MTA2: variants seen among roughly 807,000 people sequenced by gnomAD.
MTA2 encodes metastasis-associated protein MTA2.
A neutral mutation model predicts 87.1 loss-of-function variants in MTA2; 22 were observed. The observed-to-expected ratio is 0.25, with a 90% CI of 0.18 to 0.36. MTA2 has a LOEUF of 0.36. MTA2 is among the 10% of genes least tolerant of loss of function. The pLI is 1.00. For missense variants in MTA2, 542 were observed against 853.2 expected (o/e 0.64, Z 4.54); for synonymous variants, 314 against 310.1 (o/e 1.01, Z -0.13).
chr11:62,601,623 G>C lies in MTA2; in HGVS notation c.-173C>G, dbSNP rs906201314. The C allele has an allele frequency of 3.0e-6, 2 of 676,818 alleles. No individual in the cohort carries two copies. The highest frequency in any genetic ancestry group is 3.9e-5 in the African/African-American group (2 of 51,926). 41.9% of individuals were successfully genotyped at this position (676,818 alleles called of 1,614,324 possible). ...CAGCCGTCGCGGTTCATCCCGGCCC[G>C]CGCTGTCGCCGCCGCAGCTATCGCC... On this transcript the variant is annotated 5_prime_UTR_variant, in exon 1 of 18. Transcript: ENST00000278823.
chr11:62,597,241 C>T (rs1942111769), intron 8 of MTA2, 75 bp downstream of exon 8: 2 of 1,006,164 alleles, frequency 2.0e-6, no homozygotes, highest in Admixed American at 2.7e-5. Flanking sequence ...CAGAGATACC[C>T]TCCTCTTCTG....
chr11:62,596,539 G>A lies in MTA2; in HGVS notation c.883-7C>T, dbSNP rs768690872. The A allele has an allele frequency of 3.1e-6, 5 of 1,614,072 alleles. No homozygotes were observed. The highest frequency in any genetic ancestry group is 1.7e-5 in the Admixed American group (1 of 60,016). On this transcript the variant is annotated splice_region_variant and splice_polypyrimidine_tract_variant and intron_variant, in intron 9 of 17. Transcript: ENST00000278823. ...CAAGTGACTTCCAGGGTAGCTAAGGGGGGCAGAGGGAGGAAGAATGAGCTG... is the reference window on the plus strand; with the variant it reads ...CAAGTGACTTCCAGGGTAGCTAAGGAGGGCAGAGGGAGGAAGAATGAGCTG...
chr11:62,601,354 C>A, intron 1 of MTA2, 69 bp downstream of exon 1: 1 of 1,571,954 alleles, frequency 6.4e-7, no homozygotes, highest in African/African-American at 1.4e-5. Context: ...CCACCCGGTG[C>A]CGAGCCCCTC....
At position 62,597,378 on chromosome 11, in the gene MTA2, T is replaced by C; in HGVS notation, c.631A>G (p.Ser211Gly). Reference protein sequence around the residue: ...GTFARALDCSSSIRQPSLHMS... With the variant: ...GTFARALDCSGSIRQPSLHMS... ...TGCAAGCTTGGCTGCCGAATGGAGC[T>C]GCTACAATCTAGGGCTCTTGCAAAG... The change falls in exon 8 of 18, where the codon AGC becomes GGC. Residue 211 changes from serine (S) to glycine (G), a missense_variant. Physicochemically the swap from Ser to Gly is moderately conservative, Grantham distance 56. Transcript: ENST00000278823. 6.2e-7 allele frequency: 1 copy of C among 1,612,304 alleles called. No homozygotes were observed. Among genetic ancestry groups the C allele is most frequent in the Non-Finnish European group, 8.5e-7 (1 of 1,179,416 alleles).
In MTA2 at chr11:62,598,030, C is replaced by T. The variant is rs775685773; in HGVS notation, c.484G>A (p.Val162Ile). The change falls in exon 6 of 18, where the codon GTA (valine) becomes ATA (isoleucine). Residue 162 changes from valine (V) to isoleucine (I), a missense_variant. This residue lies in a region of MTA2 where 150 missense variants were observed against 243.9 expected (regional missense o/e 0.62). Transcript: ENST00000278823. ...GTCTTGTCCTGTTGCTTACCCTCTA[C>T]TAGGCGATCTGGGATCTCAGCTTGG... ...KYQAEIPDRL[V>I]EGESDNRNQQ... 1.9e-6 allele frequency: 3 copies of T among 1,613,846 alleles called. No homozygotes were observed. The highest frequency in any genetic ancestry group is 8.5e-7 in the Non-Finnish European group (1 of 1,179,786).
At chr11:62,598,425 C>A (rs1011373693) in intron 4 of MTA2, 35 bp from the exon 5 acceptor site, 2 of 1,610,228 alleles carry the variant, frequency 1.2e-6, no homozygotes, top group Non-Finnish European at 1.7e-6. Flanking sequence ...CCGGTGAGCC[C>A]CACTCTCCCT....
At chr11:62,594,684 C>A in intron 15 of MTA2, 50 bp from the exon 16 acceptor site, 1 of 1,520,546 alleles carries the variant, frequency 6.6e-7, no homozygotes, top group South Asian at 1.1e-5. Flanking sequence ...CGCAGTTCCC[C>A]TTTGTTACTT....
At chr11:62,597,871 C>T (rs1942120631) in intron 6 of MTA2, among the ~76,000 whole-genome samples, 153 bp downstream of exon 6, 1 of 151,982 alleles carries the variant, frequency 6.6e-6, no homozygotes, top group African/African-American at 2.4e-5. Flanking sequence ...TTTTCAGGTT[C>T]CTACAGGCCC....
Position 62,596,503 on chromosome 11 carries a change from G to T in MTA2, c.912C>A (p.Val304=). The change falls in exon 10 of 18, where the codon GTC becomes GTA. Residue 304 remains valine (V), a synonymous_variant. Transcript: ENST00000278823. ...TGGTTTTCCACATGTAATAAAACTG[G>T]ACTATGCTGGCAAGTGACTTCCAGG... ...FLPWKSLASI[V]QFYYMWKTTD... is the part of the protein sequence containing the mutation. The T allele has an allele frequency of 6.2e-7, 1 of 1,614,120 alleles. No individual in the cohort carries two copies. Among genetic ancestry groups the T allele is most frequent in the Non-Finnish European group, 8.5e-7 (1 of 1,180,004 alleles).
chr11:62,593,774 A>T lies in MTA2; in HGVS notation c.*101T>A. The T allele has an allele frequency of 6.9e-7, 1 of 1,443,638 alleles. No individual in the cohort carries two copies. The highest frequency in any genetic ancestry group is 9.5e-7 in the Non-Finnish European group (1 of 1,054,614). 89.4% of individuals were successfully genotyped at this position (1,443,638 alleles called of 1,614,324 possible). The stretch of plus-strand genomic sequence containing the variant: ...CACACACTCACTTGCTCTCTTCCTT[A>T]ATTCACTCCTCACTCCCTTCGACAC... On this transcript the variant is annotated 3_prime_UTR_variant, in exon 18 of 18. Transcript: ENST00000278823.
chr11:62,593,901 T>G lies in MTA2; in HGVS notation c.1981A>C (p.Asn661His). Reference sequence around the variant, plus strand: ...CAGTCCTCCAGGACAATAGGCTCATTGGTGCTGGCAGGATGTGAGGGTGCA... The same window carrying G: ...CAGTCCTCCAGGACAATAGGCTCATGGGTGCTGGCAGGATGTGAGGGTGCA... ...LPAPSHPASTNEPIVLED is the reference protein window; with the variant it reads ...LPAPSHPASTHEPIVLED Residue 661 changes from asparagine (N) to histidine (H), a missense_variant, in exon 18 of 18, where the codon AAT becomes CAT. Coordinates refer to ENST00000278823, the MANE Select transcript of MTA2 (RefSeq NM_004739.4). 6.2e-7 allele frequency: 1 copy of G among 1,614,074 alleles called. No homozygotes were observed. The highest frequency in any genetic ancestry group is 1.7e-5 in the Admixed American group (1 of 60,016).
intron 8 of MTA2, 52 bp downstream of exon 8, chr11:62,597,264 G>GC (rs1337390270): frequency 7.7e-7 from 1 of 1,296,440 alleles, no homozygotes; most frequent in Non-Finnish European, 1.1e-6. Flanking sequence ...CCCAGGCTCT[G>GC]CAAGTCCCCA....
rs1216110424 is a variant in MTA2, at chr11:62,595,633, T to A, written c.1254+119A>T. ...GGCCTATGTGTCTCCCCAACCAGCA[T>A]CAAGCACCCCGTCCATCAAACCATC... On this transcript the variant is annotated intron_variant, in intron 13 of 17. Coordinates refer to ENST00000278823, the MANE Select transcript of MTA2 (RefSeq NM_004739.4). This position sits in a 1 kb window ranked among gnomAD's most constrained non-coding sequence, Gnocchi z 4.9. The A allele has an allele frequency of 6.7e-5, 102 of 1,533,576 alleles. No individual in the cohort carries two copies. The highest frequency in any genetic ancestry group is 8.8e-5 in the Non-Finnish European group (99 of 1,127,242). The allele number at this position is 1,533,576 out of a possible 1,614,324, so 95.0% of individuals were successfully genotyped here. A position where few individuals can be genotyped will look rare whatever the true frequency, so the allele number is the denominator to read the frequency against.
In MTA2 at chr11:62,596,729, C is replaced by T; in HGVS notation, c.790G>A (p.Glu264Lys). The change falls in exon 9 of 18, where the codon GAG becomes AAG. Residue 264 changes from glutamate (E) to lysine (K), a missense_variant. By Grantham distance (56) the Glu-to-Lys change is moderately conservative. Around this residue, in one of 6 missense-constraint regions of MTA2, gnomAD observed 44 missense variants for 104.8 expected, o/e 0.42. Transcript: ENST00000278823. ...TCTGAGGCTGACCATTCCTCCATCT[C>T]ATCCCGACACAGCACCGGGCCTCCC... ...PQGGPVLCRD[E>K]MEEWSASEAM... 6.2e-7 allele frequency: 1 copy of T among 1,614,224 alleles called. No individual in the cohort carries two copies. The highest frequency in any genetic ancestry group is 8.5e-7 in the Non-Finnish European group (1 of 1,180,028).
chr11:62,596,613 C>T, intron 9 of MTA2, 24 bp downstream of exon 9: 2 of 1,611,644 alleles, frequency 1.2e-6, no homozygotes, highest in South Asian at 2.2e-5. Context: ...TCTCCCACTT[C>T]TCCTCCTAGT....
Position 62,598,311 on chromosome 11 carries a change from A to AC in MTA2, c.372+15_372+16insG. Reference sequence around the variant, plus strand: ...TACCCATTCCCCTCGCTCTTCTCTCAACATCTCTTTCTCACCTCCTTTTCC... The same window carrying AC: ...TACCCATTCCCCTCGCTCTTCTCTCACACATCTCTTTCTCACCTCCTTTTCC... On this transcript the variant is annotated intron_variant, in intron 5 of 17. Coordinates refer to ENST00000278823, the MANE Select transcript of MTA2 (RefSeq NM_004739.4). 6.2e-7 allele frequency: 1 copy of AC among 1,613,246 alleles called. No homozygotes were observed. Among genetic ancestry groups the AC allele is most frequent in the Non-Finnish European group, 8.5e-7 (1 of 1,179,382 alleles).
Position 62,595,988 on chromosome 11 carries a change from T to C in MTA2, c.1114+22A>G. 1 of 1,613,916 alleles carries C rather than the reference T, an allele frequency of 6.2e-7. No homozygotes were observed. The highest frequency in any genetic ancestry group is 8.5e-7 in the Non-Finnish European group (1 of 1,179,888). ...GCAGGCCTTCCACCCATCCCCACCA[T>C]CCCAGTGCCCCCGTAACTCACTGTG... On this transcript the variant is annotated intron_variant, in intron 12 of 17. Transcript: ENST00000278823. The surrounding 1 kb of genome is among the most constrained non-coding windows in gnomAD (Gnocchi z 4.9).
chr11:62,600,509 G>C (rs1473036523), intron 2 of MTA2, 113 bp downstream of exon 2: 3 of 1,024,000 alleles, frequency 2.9e-6, no homozygotes, highest in Non-Finnish European at 4.3e-6. Context: ...TCCAATGAAT[G>C]AATGAACGAA....
Position 62,596,767 on chromosome 11 carries a change from G to A in MTA2, c.752C>T (p.Thr251Ile), listed in dbSNP as rs1178078060. Residue 251 changes from threonine (T) to isoleucine (I), a missense_variant, in exon 9 of 18, where the codon ACC (threonine) becomes ATC (isoleucine). Coordinates refer to ENST00000278823, the MANE Select transcript of MTA2 (RefSeq NM_004739.4). ...NGYDLAKAMS[T>I]LVPQGGPVLC... Reference sequence around the variant, plus strand: ...CACCGGGCCTCCCTGGGGTACCAGGGTCGACATGGCCTTAGCCAGGTCGTA... The same window carrying A: ...CACCGGGCCTCCCTGGGGTACCAGGATCGACATGGCCTTAGCCAGGTCGTA... 1 of 1,614,140 alleles carries A rather than the reference G, an allele frequency of 6.2e-7. No individual in the cohort carries two copies. The highest frequency in any genetic ancestry group is 8.5e-7 in the Non-Finnish European group (1 of 1,179,988).
Sources: allele counts gnomAD v4.1 joint callset (sites outside exome capture counted in the v4.1 genomes callset), GRCh38; gene constraint gnomAD v4.1.1; regional missense constraint gnomAD v4.1.1; non-coding constraint Gnocchi (gnomAD v3.1); transcripts MANE v1.5; gene names NCBI Gene and HGNC (gene_info 2026-07-23, HGNC 2026-07-21).